PLA2R1: variants seen among roughly 807,000 people sequenced by gnomAD.
PLA2R1 encodes secretory phospholipase A2 receptor.
Under a neutral mutation model 195.9 loss-of-function variants are expected in PLA2R1, and 158 were observed. That is an observed-to-expected ratio of 0.81 (90% CI 0.71 to 0.92). The LOEUF is 0.92. Ranked by LOEUF, PLA2R1 falls within the 40% of genes least tolerant of loss-of-function variation. PLA2R1 has a pLI of 0.00. For missense variants in PLA2R1, 1,626 were observed against 1,764.6 expected (o/e 0.92, Z 1.41); for synonymous variants, 586 against 598.2 (o/e 0.98, Z 0.30).
At chr2:159,977,207 T>G (rs994501447) in intron 15 of PLA2R1, 77 bp downstream of exon 15, 2 of 1,045,518 alleles carry the variant, frequency 1.9e-6, no homozygotes, top group African/African-American at 3.2e-5. Flanking sequence ...TATTGTGGTT[T>G]GGGGTGTTTA....
intron 23 of PLA2R1, among the ~76,000 whole-genome samples, chr2:159,952,859 A>G (rs1687839202): frequency 1.3e-5 from 2 of 152,190 alleles, no homozygotes; most frequent in African/African-American, 4.8e-5. Context: ...TGAAACCATT[A>G]CCTCAATACA....
At chr2:160,038,518 T>C (rs1431944136) in intron 3 of PLA2R1, among the ~76,000 whole-genome samples, 1 of 152,080 alleles carries the variant, frequency 6.6e-6, no homozygotes, top group Non-Finnish European at 1.5e-5. Context: ...ACTTGGCCCA[T>C]GTAGGAGGAG....
chr2:159,976,305 C>A, intron 16 of PLA2R1, 80 bp from the exon 17 acceptor site: 1 of 905,558 alleles, frequency 1.1e-6, no homozygotes, highest in African/African-American at 1.7e-5. Context: ...GATTTGGTCA[C>A]TCAACATTAA....
In PLA2R1 at chr2:159,946,871, G is replaced by A. The variant is rs1407546544; in HGVS notation, c.3897C>T (p.Leu1299=). 1.9e-6 allele frequency: 3 copies of A among 1,610,874 alleles called. No homozygotes were observed. Among genetic ancestry groups the A allele is most frequent in the Admixed American group, 1.7e-5 (1 of 59,262 alleles). ...AACCAAAAGCAAACAGCTCTTCTAG[G>A]AGAAATGCATTTTCAGCCTCATCCT... ...TIKDEAENAF[L]LEELFAFGSS... The change falls in exon 27 of 30, where the codon CTC becomes CTT. Residue 1299 remains leucine (L), a synonymous_variant. Coordinates refer to ENST00000283243, the MANE Select transcript of PLA2R1 (RefSeq NM_007366.5).
intron 1 of PLA2R1, among the ~76,000 whole-genome samples, chr2:160,050,997 T>C (rs560165407): frequency 6.6e-6 from 1 of 152,316 alleles, no homozygotes; most frequent in East Asian, 1.9e-4. Flanking sequence ...TGAGTGAAGG[T>C]TTGAAGTGTT....
At chr2:160,010,034 C>T (rs1019652510) in intron 10 of PLA2R1, among the ~76,000 whole-genome samples, 1 of 152,086 alleles carries the variant, frequency 6.6e-6, no homozygotes, top group African/African-American at 2.4e-5. Flanking sequence ...TACTTGAGCC[C>T]AGGAGGTCAA....
chr2:160,042,066 C>G lies in PLA2R1; in HGVS notation c.626G>C (p.Arg209Pro). Residue 209 changes from arginine (R) to proline (P), a missense_variant, in exon 3 of 30, where the codon CGT (arginine) becomes CCT (proline). Coordinates refer to ENST00000283243, the MANE Select transcript of PLA2R1 (RefSeq NM_007366.5). ...TCCCCACTTTTCATCTCTTTCATAA[C>G]GGCTTGTCGTGGCACACCACAGTAA... The part of the protein sequence containing the change: ...DDLLWCATTS[R>P]YERDEKWGFC... The G allele has an allele frequency of 6.2e-7, 1 of 1,614,098 alleles. No individual in the cohort carries two copies. The highest frequency in any genetic ancestry group is 8.5e-7 in the Non-Finnish European group (1 of 1,179,946).
the PLA2R1 span, among the ~76,000 whole-genome samples, chr2:159,925,415 A>C: frequency 1.3e-5 from 2 of 152,286 alleles, no homozygotes; most frequent in African/African-American, 4.8e-5. Context: ...CTTATGTATA[A>C]ATAATCTTCT....
At chr2:160,045,289 G>T in intron 1 of PLA2R1, 132 bp from the exon 2 acceptor site, 1 of 686,298 alleles carries the variant, frequency 1.5e-6, no homozygotes, top group Non-Finnish European at 2.4e-6. Context: ...TGGAGTTGTT[G>T]GGCAGGGTCC....
intron 11 of PLA2R1, among the ~76,000 whole-genome samples, chr2:160,005,371 G>A (rs374436219): frequency 1.3e-5 from 2 of 152,264 alleles, no homozygotes; most frequent in East Asian, 3.9e-4. Flanking sequence ...GGAGGTCAAG[G>A]CTGCAGTGAA....
At chr2:159,969,170 A>G (rs190477193) in intron 19 of PLA2R1, 86 bp downstream of exon 19, 64 of 681,818 alleles carry the variant, frequency 9.4e-5, no homozygotes, top group Non-Finnish European at 1.5e-4. Flanking sequence ...GAAACTTCTC[A>G]TGGAAATGAT....
At chr2:159,967,450 T>C in intron 20 of PLA2R1, 89 bp downstream of exon 20, 5 of 1,196,148 alleles carry the variant, frequency 4.2e-6, no homozygotes, top group Non-Finnish European at 5.9e-6. Flanking sequence ...AACTCACAGC[T>C]TTCAAAAGCC....
At chr2:159,924,287 T>A in the PLA2R1 span, among the ~76,000 whole-genome samples, 1 of 152,320 alleles carries the variant, frequency 6.6e-6, no homozygotes, top group Non-Finnish European at 1.5e-5. Context: ...CATCTCAACA[T>A]CCTTAACTGA....
chr2:159,939,161 C>T lies in PLA2R1; in HGVS notation c.*2617G>A, dbSNP rs1331030919. On this transcript the variant is annotated 3_prime_UTR_variant, in exon 30 of 30. Transcript: ENST00000283243. ...AAATAGTGTATAATATACCCATTAC[C>T]TGCTACTTTTTTTTCTTTTCGAATT... 2.0e-5 allele frequency: 3 copies of T among 152,078 alleles called. No homozygotes were observed. Among genetic ancestry groups the T allele is most frequent in the Non-Finnish European group, 4.4e-5 (3 of 68,006 alleles). The allele number at this position is 152,078 out of a possible 1,614,324, so 9.4% of individuals were successfully genotyped here. A position where few individuals can be genotyped will look rare whatever the true frequency, so the allele number is the denominator to read the frequency against.
Position 160,012,040 on chromosome 2 carries a change from T to G in PLA2R1, c.1664+1223A>C, listed in dbSNP as rs147219798. 1.3e-3 allele frequency among the ~76,000 whole-genome samples: 202 copies of G among 151,912 alleles called. 1 individual carries two copies. The highest frequency in any genetic ancestry group is 4.6e-3 in the African/African-American group (192 of 41,398). ...CTGGGTAAGAAGGCAAGAAAGAGGG[T>G]AAGAGGAGGAAGGACATACTGGCAG... On this transcript the variant is annotated intron_variant, in intron 10 of 29. Transcript: ENST00000283243.
chr2:160,038,660 T>A (rs1573951313), intron 3 of PLA2R1, among the ~76,000 whole-genome samples: 1 of 152,194 alleles, frequency 6.6e-6, no homozygotes, highest in Non-Finnish European at 1.5e-5. Flanking sequence ...AGGTAGGAAC[T>A]GAGGTCAAAT....
chr2:159,983,305 A>G (rs887502348), intron 13 of PLA2R1, among the ~76,000 whole-genome samples: 3 of 152,188 alleles, frequency 2.0e-5, no homozygotes, highest in African/African-American at 7.2e-5. Flanking sequence ...GACGGTTTAG[A>G]GTTCTTACAA....
intron 1 of PLA2R1, among the ~76,000 whole-genome samples, chr2:160,057,843 C>T (rs549842639): frequency 1.3e-5 from 2 of 152,298 alleles, no homozygotes; most frequent in South Asian, 2.1e-4. Context: ...AGACAGTCCT[C>T]GTGCACTCCC....
intron 10 of PLA2R1, among the ~76,000 whole-genome samples, chr2:160,007,802 A>C (rs1431560372): frequency 6.6e-6 from 1 of 152,220 alleles, no homozygotes; most frequent in Non-Finnish European, 1.5e-5. Context: ...TATTGTTAAG[A>C]TGCTCATACT....
Sources: gnomAD v4.1 joint callset for allele counts (sites outside exome capture counted in the v4.1 genomes callset) on GRCh38, gnomAD v4.1.1 for gene constraint, MANE v1.5 for transcripts, NCBI Gene and HGNC (gene_info 2026-07-23, HGNC 2026-07-21) for gene names.